FER1L6: variants seen among roughly 807,000 people sequenced by gnomAD.
FER1L6 encodes the protein fer-1-like protein 6.
FER1L6 carries 177 observed loss-of-function variants against 219.2 expected under a neutral mutation model. The observed-to-expected ratio is 0.81, with a 90% CI of 0.71 to 0.91. FER1L6 has a LOEUF of 0.91. Ranked by LOEUF, FER1L6 falls within the 40% of genes least tolerant of loss-of-function variation. The pLI, the probability that FER1L6 is intolerant of heterozygous loss-of-function variation, is 0.00. For missense variants in FER1L6, 2,153 were observed against 2,259.9 expected (o/e 0.95, Z 0.96); for synonymous variants, 768 against 824.3 (o/e 0.93, Z 1.17).
chr8:123,896,150 A>G (rs1403401022), intron 1 of FER1L6, among the ~76,000 whole-genome samples: 1 of 152,134 alleles, frequency 6.6e-6, no homozygotes, highest in Non-Finnish European at 1.5e-5. Flanking sequence ...GTAACAAATA[A>G]ATGAAGCCAA....
At chr8:124,080,305 AG>A (rs1821482070) in intron 32 of FER1L6, among the ~76,000 whole-genome samples, 1 of 151,880 alleles carries the variant, frequency 6.6e-6, no homozygotes, top group African/African-American at 2.4e-5. Context: ...GTTCAACCAT[AG>A]TGGGCTGTTT....
At chr8:124,064,211 T>A in intron 25 of FER1L6, 136 bp from the exon 26 acceptor site, 1 of 768,634 alleles carries the variant, frequency 1.3e-6, no homozygotes, top group East Asian at 2.5e-5. Flanking sequence ...ATTTTATACA[T>A]AAGAAAATGA....
rs1397145397 is a variant in FER1L6 at position 124,067,661 on chromosome 8, CTT to C, written c.3679-103_3679-102del. The C allele has an allele frequency of 5.9e-6, 6 of 1,019,022 alleles. No individual in the cohort carries two copies. The Admixed American group carries it at 8.4e-5, about 14-fold the overall frequency. 63.1% of individuals were successfully genotyped at this position (1,019,022 alleles called of 1,614,324 possible). On this transcript the variant is annotated intron_variant, in intron 27 of 40. Coordinates refer to ENST00000522917, the MANE Select transcript of FER1L6 (RefSeq NM_001039112.2). ...ACTGCTTACAGACTGTTTGAATACTCTTTTAAAATAGTGTCTCTGGGAATGCA... is the reference window on the plus strand; with the variant it reads ...ACTGCTTACAGACTGTTTGAATACTCTTAAAATAGTGTCTCTGGGAATGCA...
intron 12 of FER1L6, among the ~76,000 whole-genome samples, chr8:123,998,119 G>A (rs1817219127): frequency 6.6e-6 from 1 of 152,118 alleles, no homozygotes; most frequent in African/African-American, 2.4e-5. Flanking sequence ...TGTAGTCTTT[G>A]TAGTCTGGGG....
intron 1 of FER1L6, among the ~76,000 whole-genome samples, chr8:123,939,596 G>T (rs4871441): frequency 1.3e-5 from 2 of 152,168 alleles, no homozygotes; most frequent in East Asian, 1.9e-4. Flanking sequence ...CCTGCAGGTC[G>T]TTGGGGAGTC....
At chr8:123,884,806 G>A (rs2129675291) in intron 1 of FER1L6, among the ~76,000 whole-genome samples, 1 of 152,266 alleles carries the variant, frequency 6.6e-6, no homozygotes, top group African/African-American at 2.4e-5. Flanking sequence ...TTTCCTCTCT[G>A]CTGCTCCATC....
In FER1L6 at chr8:124,097,833, G is replaced by A; in HGVS notation, c.4833G>A (p.Glu1611=). The A allele has an allele frequency of 1.2e-6, 2 of 1,608,486 alleles. No individual in the cohort carries two copies. The highest frequency in any genetic ancestry group is 1.7e-6 in the Non-Finnish European group (2 of 1,174,858). The change falls in exon 37 of 41, where the codon GAG becomes GAA. Residue 1611 remains glutamate, a synonymous_variant. Coordinates refer to ENST00000522917, the MANE Select transcript of FER1L6 (RefSeq NM_001039112.2). ...TIWNTEDVIL[E]DENIFTGQKS... ...GGAACACTGAAGATGTCATTTTAGA[G>A]GATGAGAATATCTTCACAGGCCAAA... is the stretch of plus-strand genomic sequence containing the variant.
chr8:124,092,663 G>GT (rs1563795563), intron 34 of FER1L6, among the ~76,000 whole-genome samples: 1 of 152,114 alleles, frequency 6.6e-6, no homozygotes. Context: ...CTGAGACTGT[G>GT]TAATTTATAA....
chr8:123,970,230 C>T, intron 6 of FER1L6, 133 bp downstream of exon 6: 1 of 793,730 alleles, frequency 1.3e-6, no homozygotes, highest in Non-Finnish European at 2.2e-6. Flanking sequence ...GTGAGTCTAA[C>T]CAACAGGCAG....
In FER1L6 at chr8:123,990,943, C is replaced by T. The variant is rs528692473; in HGVS notation, c.1519+4767C>T. Among the ~76,000 whole-genome samples, 18 of 152,270 alleles carry T rather than the reference C, an allele frequency of 1.2e-4. 1 individual carries two copies. The South Asian group carries it at 3.5e-3, about 30-fold the overall frequency. On this transcript the variant is annotated intron_variant, in intron 12 of 40. Coordinates refer to ENST00000522917, the MANE Select transcript of FER1L6 (RefSeq NM_001039112.2). The stretch of plus-strand genomic sequence containing the variant: ...CTTCTACGTGTGGCTATCCAGTTTT[C>T]CTAGCACCATTTATTAAATAGGGTG...
intron 1 of FER1L6, among the ~76,000 whole-genome samples, chr8:123,910,650 T>A (rs949429400): frequency 1.3e-5 from 2 of 149,468 alleles, no homozygotes; most frequent in Non-Finnish European, 3.0e-5. Context: ...CTTCCTGATA[T>A]GTTTGAAGTG....
chr8:123,901,095 A>C (rs540802545), intron 1 of FER1L6, among the ~76,000 whole-genome samples: 1 of 152,288 alleles, frequency 6.6e-6, no homozygotes, highest in Admixed American at 6.5e-5. Context: ...TCTTCTTTGA[A>C]TGTCTGGTAT....
intron 1 of FER1L6, among the ~76,000 whole-genome samples, chr8:123,870,059 A>G (rs947060671): frequency 1.3e-5 from 2 of 152,266 alleles, no homozygotes; most frequent in Admixed American, 6.5e-5. Flanking sequence ...AGATGCTCAA[A>G]GTCATTTGTC....
intron 21 of FER1L6, among the ~76,000 whole-genome samples, chr8:124,047,189 A>T (rs558977505): frequency 2.6e-5 from 4 of 152,320 alleles, no homozygotes; most frequent in Non-Finnish European, 4.4e-5. Flanking sequence ...AACATTCCAA[A>T]GATCTGCAGG....
intron 12 of FER1L6, among the ~76,000 whole-genome samples, chr8:123,991,191 G>T (rs1459034986): frequency 1.3e-5 from 2 of 152,038 alleles, no homozygotes; most frequent in African/African-American, 4.8e-5. Context: ...TTGGCTATTT[G>T]TGCTCTTTTT....
intron 31 of FER1L6, among the ~76,000 whole-genome samples, chr8:124,073,589 A>G (rs576815180): frequency 7.9e-5 from 12 of 152,304 alleles, no homozygotes; most frequent in South Asian, 2.1e-4. Flanking sequence ...CTTAGTTTAC[A>G]AGATAGGTTG....
intron 2 of FER1L6, among the ~76,000 whole-genome samples, chr8:123,960,708 CT>C (rs60123524): frequency 6.0e-5 from 9 of 149,426 alleles, no homozygotes; most frequent in East Asian, 5.9e-4. Flanking sequence ...ACATTGCCAC[CT>C]TTTTTTTTTC....
At chr8:124,068,817 G>A (rs1356921193) in intron 28 of FER1L6, among the ~76,000 whole-genome samples, 1 of 152,132 alleles carries the variant, frequency 6.6e-6, no homozygotes, top group East Asian at 1.9e-4. Context: ...ATCCACTGAC[G>A]CTGGATTTAT....
At chr8:123,955,915 G>A in intron 1 of FER1L6, 77 bp from the exon 2 acceptor site, 7 of 1,377,048 alleles carry the variant, frequency 5.1e-6, no homozygotes, top group South Asian at 2.5e-5. Context: ...AGCTCGGTGT[G>A]TTTTTGTGTT....
Sources: allele counts gnomAD v4.1 joint callset (sites outside exome capture counted in the v4.1 genomes callset), GRCh38; gene constraint gnomAD v4.1.1; transcripts MANE v1.5; gene names NCBI Gene and HGNC (gene_info 2026-07-23, HGNC 2026-07-21).